CEACAM21: variants seen among roughly 807,000 people sequenced by gnomAD.
CEACAM21 encodes CEA cell adhesion molecule 21.
CEACAM21 carries 38 observed loss-of-function variants against 33.2 expected under a neutral mutation model. That is an observed-to-expected ratio of 1.14 (90% CI 0.88 to 1.50). CEACAM21 has a LOEUF of 1.50. Among genes scored for constraint, CEACAM21 ranks in the 40% most tolerant of loss-of-function variants. CEACAM21 has a pLI of 0.00. For synonymous variants in CEACAM21, 156 were observed against 143.0 expected (o/e 1.09, Z -0.65); for missense variants, 385 against 364.6 (o/e 1.06, Z -0.46).
chr19:41,586,339 G>T, intron 6 of CEACAM21, 125 bp from the exon 7 acceptor site: 1 of 599,404 alleles, frequency 1.7e-6, no homozygotes, highest in South Asian at 1.4e-5. Context: ...AGGGGCCTGG[G>T]AGCAGGAACC....
At chr19:41,586,064 G>A (rs1395714135) in intron 6 of CEACAM21, 193 bp downstream of exon 6, 2 of 633,754 alleles carry the variant, frequency 3.2e-6, no homozygotes, top group East Asian at 2.7e-5. Flanking sequence ...ACCCCACCCT[G>A]GGACCCTCCA....
chr19:41,568,625 A>G (rs2042412777), intron 2 of CEACAM21, among the ~76,000 whole-genome samples: 1 of 152,006 alleles, frequency 6.6e-6, no homozygotes, highest in Non-Finnish European at 1.5e-5. Flanking sequence ...TGGGATTTTT[A>G]TTCTGTTTCA....
chr19:41,578,118 C>A (rs2043090779), intron 2 of CEACAM21, among the ~76,000 whole-genome samples: 1 of 152,162 alleles, frequency 6.6e-6, no homozygotes, highest in South Asian at 2.1e-4. Flanking sequence ...TGGGCAAGGG[C>A]AGAGCCTCAT....
rs1470888010 is a variant in CEACAM21 at position 41,579,536 on chromosome 19, C to A, written c.608C>A (p.Pro203His). Residue 203 changes from proline to histidine, a missense_variant, in exon 3 of 7, where the codon CCC (proline) becomes CAC (histidine). By Grantham distance (77) the Pro-to-His change is moderately conservative (BLOSUM62 -2). Transcript: ENST00000401445. ...SWFNHVLTID[P>H]IRQEDAGEYQ... is the part of the protein sequence containing the mutation. The stretch of plus-strand genomic sequence containing the variant: ...TTTAACCATGTGCTCACCATAGACC[C>A]CATCAGGCAGGAGGACGCTGGGGAG... 2 of 1,612,754 alleles carry A rather than the reference C, an allele frequency of 1.2e-6. No individual in the cohort carries two copies. Among genetic ancestry groups the A allele is most frequent in the East Asian group, 4.5e-5 (2 of 44,866 alleles).
intron 3 of CEACAM21, among the ~76,000 whole-genome samples, chr19:41,582,470 T>C (rs2043476975): frequency 6.6e-6 from 1 of 152,240 alleles, no homozygotes. Context: ...ACCCCACATT[T>C]CCCTTCAACA....
chr19:41,585,624 T>A (rs1373248137), intron 5 of CEACAM21, 129 bp downstream of exon 5: 72 of 1,168,904 alleles, frequency 6.2e-5, no homozygotes, highest in Non-Finnish European at 8.9e-5. Flanking sequence ...CCATAAAACA[T>A]CACACAGGAA....
At chr19:41,560,463 G>T (rs903338031) in intron 1 of CEACAM21, among the ~76,000 whole-genome samples, 2 of 151,978 alleles carry the variant, frequency 1.3e-5, no homozygotes, top group Admixed American at 6.6e-5. Context: ...CTCCTGCCCC[G>T]GCCTCCATTA....
At position 41,563,017 on chromosome 19, in the gene CEACAM21, T is replaced by TGAG. The variant is rs542215341; in HGVS notation, c.-778-1664_-778-1663insAGG. Among the ~76,000 whole-genome samples the TGAG allele has an allele frequency of 1.4e-4, 22 of 152,312 alleles. No homozygotes were observed. The South Asian group carries it at 4.6e-3, about 32-fold the overall frequency. On this transcript the variant is annotated intron_variant, in intron 1 of 7. Coordinates refer to the CEACAM21 transcript ENST00000407170. The stretch of plus-strand genomic sequence containing the variant: ...TGCTGGGATTACAGGTGTCAGCCAC[T>TGAG]GCGCCCAGCCTCAGTATTTCATTTT...
intron 2 of CEACAM21, among the ~76,000 whole-genome samples, chr19:41,578,922 A>G (rs935144869): frequency 5.3e-5 from 8 of 152,212 alleles, no homozygotes; most frequent in African/African-American, 1.9e-4. Context: ...GAGGGAATTA[A>G]TGAAAAAAGA....
chr19:41,584,767 C>T (rs2070596149), intron 4 of CEACAM21, among the ~76,000 whole-genome samples: 1 of 152,198 alleles, frequency 6.6e-6, no homozygotes, highest in Non-Finnish European at 1.5e-5. Flanking sequence ...TCACTGAATC[C>T]ATCCACCCAG....
chr19:41,564,330 T>A (rs1555787665), intron 1 of CEACAM21, among the ~76,000 whole-genome samples: 6 of 133,208 alleles, frequency 4.5e-5, no homozygotes, highest in South Asian at 4.8e-4. Context: ...GTGAGTTATT[T>A]ATTATTTATT....
intron 1 of CEACAM21, among the ~76,000 whole-genome samples, chr19:41,549,870 C>T (rs2122146514): frequency 6.6e-6 from 1 of 151,828 alleles, no homozygotes; most frequent in Non-Finnish European, 1.5e-5. Context: ...TTTTTAATTC[C>T]TTTTTAAAAA....
intron 1 of CEACAM21, among the ~76,000 whole-genome samples, chr19:41,564,130 C>A (rs781868679): frequency 6.6e-6 from 1 of 152,020 alleles, no homozygotes; most frequent in Non-Finnish European, 1.5e-5. Flanking sequence ...AGAAATTCTG[C>A]CTTACAATGA....
intron 3 of CEACAM21, among the ~76,000 whole-genome samples, chr19:41,583,067 G>GT (rs2043537663): frequency 6.6e-6 from 1 of 152,160 alleles, no homozygotes; most frequent in Non-Finnish European, 1.5e-5. Context: ...AAAACTGAGT[G>GT]TTTTTAACAG....
chr19:41,555,845 C>G (rs1555785423), intron 1 of CEACAM21, among the ~76,000 whole-genome samples: 1 of 152,198 alleles, frequency 6.6e-6, no homozygotes, highest in Non-Finnish European at 1.5e-5. Flanking sequence ...AAGGAGCCCC[C>G]TGCAATCACA....
chr19:41,557,379 T>C (rs2041598511), intron 1 of CEACAM21, among the ~76,000 whole-genome samples: 1 of 152,164 alleles, frequency 6.6e-6, no homozygotes, highest in South Asian at 2.1e-4. Flanking sequence ...CCTAATCCAG[T>C]TTTACCCCAA....
chr19:41,581,820 A>G (rs1300462029), intron 3 of CEACAM21, among the ~76,000 whole-genome samples: 2 of 152,180 alleles, frequency 1.3e-5, no homozygotes, highest in Non-Finnish European at 2.9e-5. Flanking sequence ...ACACGTGGGG[A>G]TTATTAAAAT....
chr19:41,564,914 G>C (rs1489719471), exon 2 of CEACAM21: 1 of 152,308 alleles, frequency 6.6e-6, no homozygotes, highest in Non-Finnish European at 1.5e-5. Context: ...TCCTCACGGC[G>C]CTCCGTCGGA....
chr19:41,570,088 C>T (rs1173041979), intron 2 of CEACAM21, among the ~76,000 whole-genome samples: 5 of 152,158 alleles, frequency 3.3e-5, no homozygotes, highest in African/African-American at 2.4e-5. Flanking sequence ...GGTGCCACAG[C>T]GACAGCGCTG....
Sources: gnomAD v4.1 joint callset for allele counts (sites outside exome capture counted in the v4.1 genomes callset) on GRCh38, gnomAD v4.1.1 for gene constraint, MANE v1.5 for transcripts, NCBI Gene and HGNC (gene_info 2026-07-23, HGNC 2026-07-21) for gene names.